Variants in PYGM observed in about 807,000 individuals in gnomAD.
The protein encoded by PYGM is glycogen phosphorylase, muscle associated, also known as glycogen phosphorylase, muscle form.
PYGM carries 81 observed loss-of-function variants against 99.3 expected under a neutral mutation model. The observed-to-expected ratio is 0.82, with a 90% CI of 0.68 to 0.98. The LOEUF is 0.98. Among genes scored for constraint, PYGM ranks in the 50% least tolerant of loss-of-function variants. The pLI is 0.00. For synonymous variants in PYGM, 436 were observed against 451.5 expected (o/e 0.97, Z 0.44); for missense variants, 1,030 against 1,158.1 (o/e 0.89, Z 1.61).
rs1312751218 is a variant in PYGM at position 64,747,265 on chromosome 11, G to T, written c.2271C>A (p.Asp757Glu). Residue 757 changes from aspartate to glutamate, a missense_variant, in exon 18 of 20, where the codon GAC (aspartate) becomes GAA (glutamate). Coordinates refer to ENST00000164139, the MANE Select transcript of PYGM (RefSeq NM_005609.4). ...SSGFFSPKQP[D>E]LFKDIVNMLM... ...GCATATTGACAATGTCCTTGAACAG[G>T]TCGGGCTGTTTGGGGGAGAAGAAGC... The T allele has an allele frequency of 3.1e-6, 5 of 1,614,166 alleles. No homozygotes were observed. The highest frequency in any genetic ancestry group is 1.6e-4 in the Middle Eastern group (1 of 6,062).
rs773458274 is a variant in PYGM, at chr11:64,753,100, G to T, written c.1491C>A (p.Asn497Lys). 2.5e-6 allele frequency: 4 copies of T among 1,613,746 alleles called. No homozygotes were observed. Among genetic ancestry groups the T allele is most frequent in the Non-Finnish European group, 3.4e-6 (4 of 1,179,786 alleles). Residue 497 changes from asparagine (N) to lysine (K), a missense_variant, in exon 12 of 20, where the codon AAC (asparagine) becomes AAA (lysine). Transcript: ENST00000164139. ...CAGCAATGACCTCTGCCAGCCCGGG[G>T]TTACACAGAACCAGCCAGCGCCGAG... ...ITPRRWLVLC[N>K]PGLAEVIAER...
At chr11:64,749,081 C>G (rs1332776425) in intron 17 of PYGM, among the ~76,000 whole-genome samples, 2 of 151,112 alleles carry the variant, frequency 1.3e-5, no homozygotes, top group Non-Finnish European at 2.9e-5. Flanking sequence ...GGCGCAGTGG[C>G]TCACCCCTGT....
rs1592417170 is a variant in PYGM at position 64,759,817 on chromosome 11, G to T, written c.82C>A (p.Leu28Met). ...GLAGVENVTE[L>M]KKNFNRHLHF... Reference sequence around the variant, plus strand: ...AGGTGCCGGTTGAAGTTCTTTTTCAGCTCAGTCACGTTCTCCACGCCGGCC... The same window carrying T: ...AGGTGCCGGTTGAAGTTCTTTTTCATCTCAGTCACGTTCTCCACGCCGGCC... Residue 28 changes from leucine (L) to methionine (M), a missense_variant, in exon 1 of 20, where the codon CTG becomes ATG. Transcript: ENST00000164139. 6.2e-7 allele frequency: 1 copy of T among 1,614,206 alleles called. No individual in the cohort carries two copies. Among genetic ancestry groups the T allele is most frequent in the Non-Finnish European group, 8.5e-7 (1 of 1,180,048 alleles).
At position 64,753,668 on chromosome 11, in the gene PYGM, T is replaced by C. The variant is rs774411573; in HGVS notation, c.1254A>G (p.Ala418=). 2.5e-6 allele frequency: 4 copies of C among 1,607,662 alleles called. No homozygotes were observed. In the South Asian group the frequency reaches 4.4e-5, roughly 18 times the overall value. ...GCAGCCGGTCTACGTCCCCTGGGAA[T>C]GCGGCCGCCACCCGCTGTGCCCAGA... ...NQRFLNRVAA[A]FPGDVDRLRR... Residue 418 remains alanine (A), a synonymous_variant, in exon 11 of 20, where the codon GCA becomes GCG. Transcript: ENST00000164139.
At chr11:64,752,536 C>G in intron 12 of PYGM, 32 bp from the exon 13 acceptor site, 1 of 1,583,628 alleles carries the variant, frequency 6.3e-7, no homozygotes, top group South Asian at 1.1e-5. Flanking sequence ...CCAAGCCCAT[C>G]CCCATGTCCT....
chr11:64,750,227 G>A (rs1565532986), intron 17 of PYGM, 149 bp downstream of exon 17: 17 of 801,140 alleles, frequency 2.1e-5, no homozygotes, highest in South Asian at 1.5e-4. Context: ...TGCTGTAAGC[G>A]CCCTCTAAAG....
chr11:64,748,480 T>C (rs2058330321), intron 17 of PYGM: 1 of 152,232 alleles, frequency 6.6e-6, no homozygotes, highest in Non-Finnish European at 1.5e-5. Context: ...GAAAGCAGTT[T>C]GGCAATCTGT....
chr11:64,753,499 A>C lies in PYGM; in HGVS notation c.1403+20T>G. 1 of 1,569,476 alleles carries C rather than the reference A, an allele frequency of 6.4e-7. No homozygotes were observed. Among genetic ancestry groups the C allele is most frequent in the Non-Finnish European group, 8.6e-7 (1 of 1,163,048 alleles). On this transcript the variant is annotated intron_variant, in intron 11 of 19. Transcript: ENST00000164139. The stretch of plus-strand genomic sequence containing the variant: ...TGGGTGGGGCCTAGAGAGGGGCGGG[A>C]TCTGGAAAGCGGGGCTCACATGGTC...
In PYGM at chr11:64,753,639, C is replaced by A; in HGVS notation, c.1283G>T (p.Arg428Leu). ...AFPGDVDRLRRMSLVEEGAVK... is the reference protein window; with the variant it reads ...AFPGDVDRLRLMSLVEEGAVK... ...TGCGCCCTCCTCCACCAGCGACATGCGCCGCAGCCGGTCTACGTCCCCTGG... is the reference window on the plus strand; with the variant it reads ...TGCGCCCTCCTCCACCAGCGACATGAGCCGCAGCCGGTCTACGTCCCCTGG... Residue 428 changes from arginine to leucine, a missense_variant, in exon 11 of 20, where the codon CGC becomes CTC. Coordinates refer to ENST00000164139, the MANE Select transcript of PYGM (RefSeq NM_005609.4). The A allele has an allele frequency of 6.2e-7, 1 of 1,608,138 alleles. No homozygotes were observed. Among genetic ancestry groups the A allele is most frequent in the South Asian group, 1.1e-5 (1 of 90,598 alleles).
intron 17 of PYGM, 33 bp downstream of exon 17, chr11:64,750,343 G>C (rs1488512661): frequency 6.2e-7 from 1 of 1,612,082 alleles, no homozygotes; most frequent in Admixed American, 1.7e-5. Context: ...CCACACCTGG[G>C]TGTCTTTTGC....
chr11:64,760,480 G>A (rs2058427669), upstream of PYGM, among the ~76,000 whole-genome samples: 2 of 152,214 alleles, frequency 1.3e-5, no homozygotes, highest in Non-Finnish European at 2.9e-5. Context: ...CAGGGCCACA[G>A]CCCTCACTCC....
At position 64,754,823 on chromosome 11, in the gene PYGM, T is replaced by C; in HGVS notation, c.869A>G (p.Lys290Arg). The C allele has an allele frequency of 6.2e-7, 1 of 1,613,858 alleles. No homozygotes were observed. Among genetic ancestry groups the C allele is most frequent in the Non-Finnish European group, 8.5e-7 (1 of 1,179,986 alleles). The part of the protein sequence containing the change: ...LYPNDNFFEG[K>R]ELRLKQEYFV... ...ATACTCCTGCTTCAGCCGCAGCTCC[T>C]TCCCTTCGAAGAACTGGGGACAGCA... Residue 290 changes from lysine to arginine, a missense_variant, in exon 8 of 20, where the codon AAG becomes AGG. Lys to Arg is a conservative substitution (Grantham distance 26). Transcript: ENST00000164139. This position sits in a 1 kb window ranked among gnomAD's most constrained non-coding sequence, Gnocchi z 5.5.
Position 64,754,907 on chromosome 11 carries a change from A to C in PYGM, c.856-71T>G. On this transcript the variant is annotated intron_variant, in intron 7 of 19. Coordinates refer to ENST00000164139, the MANE Select transcript of PYGM (RefSeq NM_005609.4). This position sits in a 1 kb window ranked among gnomAD's most constrained non-coding sequence, Gnocchi z 5.5. ...GCCTAAAGCTGCGGTGGGTGTGGCC[A>C]GGAGGGACTCCCACCCATACCGGGA... The C allele has an allele frequency of 6.3e-7, 1 of 1,587,822 alleles. No homozygotes were observed. Among genetic ancestry groups the C allele is most frequent in the Non-Finnish European group, 8.6e-7 (1 of 1,167,874 alleles).
intron 12 of PYGM, among the ~76,000 whole-genome samples, chr11:64,752,777 G>A (rs568470417): frequency 8.3e-4 from 127 of 152,294 alleles, no homozygotes; most frequent in African/African-American, 3.0e-3. Flanking sequence ...ATGACCTTGC[G>A]CCTTCCCTAC....
rs771508536 is a variant in PYGM at position 64,753,924 on chromosome 11, C to A, written c.1194G>T (p.Pro398=). The A allele has an allele frequency of 6.3e-7, 1 of 1,593,792 alleles. No homozygotes were observed. Among genetic ancestry groups the A allele is most frequent in the African/African-American group, 1.3e-5 (1 of 74,528 alleles). Residue 398 remains proline, a synonymous_variant, in exon 10 of 20, where the codon CCG becomes CCT. Transcript: ENST00000164139. ...WPVHLLETLL[P]RHLQIIYEIN... is the part of the protein sequence containing the mutation. ...TCTCGTAGATGATCTGGAGGTGCCG[C>A]GGCAGCAGCGTCTCCAAGAGGTGCA...
chr11:64,754,330 T>A lies in PYGM; in HGVS notation c.1015A>T (p.Asn339Tyr), dbSNP rs1306708756. 6.2e-7 allele frequency: 1 copy of A among 1,613,060 alleles called. No homozygotes were observed. Among genetic ancestry groups the A allele is most frequent in the Admixed American group, 1.7e-5 (1 of 60,002 alleles). ...AFPDKVAIQL[N>Y]DTHPSLAIPE... ...ATGGCCAGGGAGGGGTGGGTGTCAT[T>A]GAGCTGGATGGCCACCTGGGGTAGG... The change falls in exon 9 of 20, where the codon AAT becomes TAT. Residue 339 changes from asparagine to tyrosine, a missense_variant. Asn to Tyr is a moderately radical substitution (Grantham distance 143, BLOSUM62 -2). Transcript: ENST00000164139. The surrounding 1 kb of genome is among the most constrained non-coding windows in gnomAD (Gnocchi z 5.5).
At chr11:64,756,448 G>C (rs1179515774) in intron 5 of PYGM, among the ~76,000 whole-genome samples, 2 of 152,206 alleles carry the variant, frequency 1.3e-5, no homozygotes, top group East Asian at 3.8e-4. Flanking sequence ...ACTGGGATTT[G>C]TTTTTTGTTT....
chr11:64,754,335 T>C lies in PYGM; in HGVS notation c.1010A>G (p.Gln337Arg), dbSNP rs1223701129. The change falls in exon 9 of 20, where the codon CAG becomes CGG. Residue 337 changes from glutamine (Q) to arginine (R), a missense_variant. Coordinates refer to ENST00000164139, the MANE Select transcript of PYGM (RefSeq NM_005609.4). The surrounding 1 kb of genome is among the most constrained non-coding windows in gnomAD (Gnocchi z 5.5). The stretch of plus-strand genomic sequence containing the variant: ...CAGGGAGGGGTGGGTGTCATTGAGC[T>C]GGATGGCCACCTGGGGTAGGGGGAG... ...FDAFPDKVAI[Q>R]LNDTHPSLAI... is the part of the protein sequence containing the mutation. 1.9e-6 allele frequency: 3 copies of C among 1,612,364 alleles called. No homozygotes were observed. Among genetic ancestry groups the C allele is most frequent in the Non-Finnish European group, 2.5e-6 (3 of 1,178,796 alleles).
upstream of PYGM, chr11:64,760,034 C>CA: frequency 5.2e-6 from 7 of 1,354,130 alleles, no homozygotes; most frequent in Non-Finnish European, 7.0e-6. Flanking sequence ...CCCCGCCTCC[C>CA]CTGCAATGGG....
Sources: gnomAD v4.1 joint callset for allele counts (sites outside exome capture counted in the v4.1 genomes callset) on GRCh38, gnomAD v4.1.1 for gene constraint, Gnocchi (gnomAD v3.1) non-coding constraint, MANE v1.5 for transcripts, NCBI Gene and HGNC (gene_info 2026-07-23, HGNC 2026-07-21) for gene names.